Variants in THSD7B observed in about 807,000 individuals in gnomAD.
The protein encoded by THSD7B is thrombospondin type-1 domain-containing protein 7B.
THSD7B carries 138 observed loss-of-function variants against 213.6 expected under a neutral mutation model. That is an observed-to-expected ratio of 0.65 (90% confidence interval 0.56 to 0.74). THSD7B has a LOEUF of 0.74. Ranked by LOEUF, THSD7B falls within the 30% of genes least tolerant of loss-of-function variation. THSD7B has a pLI of 0.00. For synonymous variants in THSD7B, 742 were observed against 687.0 expected (o/e 1.08, Z -1.25); for missense variants, 1,931 against 1,991.5 (o/e 0.97, Z 0.58).
intron 12 of THSD7B, among the ~76,000 whole-genome samples, chr2:137,341,300 T>C (rs140783694): frequency 4.6e-5 from 7 of 151,818 alleles, no homozygotes; most frequent in Non-Finnish European, 7.4e-5. Context: ...TTGTTTTTCT[T>C]GCTGTTGAGT....
At chr2:136,940,922 G>T (rs1684816298) in intron 2 of THSD7B, among the ~76,000 whole-genome samples, 1 of 150,056 alleles carries the variant, frequency 6.7e-6, no homozygotes, top group Admixed American at 6.7e-5. Context: ...TTGTTACATG[G>T]GTATACATGT....
At chr2:136,999,092 T>G (rs1685955242) in intron 2 of THSD7B, among the ~76,000 whole-genome samples, 1 of 152,276 alleles carries the variant, frequency 6.6e-6, no homozygotes, top group South Asian at 2.1e-4. Context: ...ATTCCTTATT[T>G]AAGGACTTCA....
intron 14 of THSD7B, among the ~76,000 whole-genome samples, chr2:137,422,421 T>G (rs1336731736): frequency 6.6e-6 from 1 of 152,212 alleles, no homozygotes; most frequent in African/African-American, 2.4e-5. Flanking sequence ...ATTTAGCAGT[T>G]GCTGGAGACA....
At chr2:137,465,710 C>T (rs1050649667) in intron 15 of THSD7B, among the ~76,000 whole-genome samples, 3 of 152,058 alleles carry the variant, frequency 2.0e-5, no homozygotes, top group African/African-American at 7.2e-5. Context: ...TGGGTGTGTA[C>T]TACATGTTCA....
At chr2:136,864,713 C>T (rs772464189) in intron 1 of THSD7B, among the ~76,000 whole-genome samples, 12 of 152,084 alleles carry the variant, frequency 7.9e-5, no homozygotes, top group East Asian at 3.9e-4. Context: ...CCACCATGCC[C>T]GGCTAGTTTT....
chr2:137,335,732 G>C (rs1451579841), intron 12 of THSD7B, among the ~76,000 whole-genome samples: 1 of 152,124 alleles, frequency 6.6e-6, no homozygotes, highest in Non-Finnish European at 1.5e-5. Flanking sequence ...TCAGATGCTG[G>C]TTTCGAAGAT....
At chr2:136,925,765 G>A (rs1684512652) in intron 2 of THSD7B, among the ~76,000 whole-genome samples, 1 of 152,106 alleles carries the variant, frequency 6.6e-6, no homozygotes, top group African/African-American at 2.4e-5. Flanking sequence ...CTAAGTATTT[G>A]AGAGAATTCT....
At chr2:137,261,264 C>A (rs1264029252) in intron 10 of THSD7B, among the ~76,000 whole-genome samples, 2 of 150,228 alleles carry the variant, frequency 1.3e-5, no homozygotes, top group Non-Finnish European at 3.0e-5. Flanking sequence ...GTGGAAAAAA[C>A]TTCTTGAAAG....
intron 1 of THSD7B, among the ~76,000 whole-genome samples, chr2:136,856,574 C>T (rs948169719): frequency 2.7e-5 from 4 of 150,926 alleles, no homozygotes; most frequent in East Asian, 2.0e-4. Context: ...AGTGTAATCA[C>T]GAGATCTCAG....
At chr2:137,409,286 G>A (rs1686597075) in intron 13 of THSD7B, among the ~76,000 whole-genome samples, 1 of 152,194 alleles carries the variant, frequency 6.6e-6, no homozygotes, top group Non-Finnish European at 1.5e-5. Flanking sequence ...ATTTGCAGGT[G>A]GGGCTAAATA....
intron 2 of THSD7B, among the ~76,000 whole-genome samples, chr2:136,931,073 A>T (rs1684620108): frequency 2.0e-5 from 3 of 152,150 alleles, no homozygotes; most frequent in Admixed American, 2.0e-4. Context: ...ATAAATATTT[A>T]AGACTGGATA....
intron 4 of THSD7B, among the ~76,000 whole-genome samples, chr2:137,099,010 G>A (rs1688094490): frequency 6.6e-6 from 1 of 152,130 alleles, no homozygotes; most frequent in Non-Finnish European, 1.5e-5. Flanking sequence ...TTTTGATTAA[G>A]GCATATATAG....
chr2:137,657,451 T>G (rs1434989830), intron 24 of THSD7B, among the ~76,000 whole-genome samples: 1 of 152,232 alleles, frequency 6.6e-6, no homozygotes. Context: ...AGTAAAATTT[T>G]AAATCATGTC....
chr2:136,873,316 T>A (rs2104983452), intron 1 of THSD7B, among the ~76,000 whole-genome samples: 1 of 152,294 alleles, frequency 6.6e-6, no homozygotes, highest in South Asian at 2.1e-4. Flanking sequence ...CCATGCCACA[T>A]TCTTACATTT....
At chr2:137,058,948 T>A (rs2104879165) in intron 3 of THSD7B, among the ~76,000 whole-genome samples, 1 of 152,282 alleles carries the variant, frequency 6.6e-6, no homozygotes, top group East Asian at 1.9e-4. Flanking sequence ...TTTTAAGCCA[T>A]CCAGCTTCTG....
chr2:136,797,063 A>G (rs1292161854), intron 1 of THSD7B, among the ~76,000 whole-genome samples: 5 of 151,832 alleles, frequency 3.3e-5, no homozygotes, highest in African/African-American at 1.2e-4. Context: ...AGAAATAATA[A>G]TTAGGAATAA....
At chr2:137,616,817 G>A (rs963707745) in intron 18 of THSD7B, among the ~76,000 whole-genome samples, 15 of 152,142 alleles carry the variant, frequency 9.9e-5, no homozygotes, top group African/African-American at 3.1e-4. Context: ...CTGTTCAGCC[G>A]CTGCTCAGTA....
At chr2:137,369,725 A>G (rs1397243315) in intron 12 of THSD7B, among the ~76,000 whole-genome samples, 4 of 152,070 alleles carry the variant, frequency 2.6e-5, no homozygotes, top group Non-Finnish European at 4.4e-5. Context: ...TTTCATCCTC[A>G]TCATTTTGAC....
intron 12 of THSD7B, among the ~76,000 whole-genome samples, chr2:137,348,974 T>C (rs578065824): frequency 6.6e-6 from 1 of 151,662 alleles, no homozygotes; most frequent in South Asian, 2.1e-4. Flanking sequence ...TATAAAATAG[T>C]ATTTTTCTGG....
Sources: allele counts gnomAD v4.1 joint callset (sites outside exome capture counted in the v4.1 genomes callset), GRCh38; gene constraint gnomAD v4.1.1; transcripts MANE v1.5; gene names NCBI Gene and HGNC (gene_info 2026-07-23, HGNC 2026-07-21).